Variants in AGBL1 observed in about 807,000 individuals in gnomAD.
AGBL1 encodes cytosolic carboxypeptidase 4.
Under a neutral mutation model 118.9 loss-of-function variants are expected in AGBL1, and 130 were observed. That is an observed-to-expected ratio of 1.09 (90% CI 0.95 to 1.26). The LOEUF is 1.26. AGBL1 is among the 50% of genes most tolerant of loss of function. The pLI is 0.00. For missense variants in AGBL1, 1,584 were observed against 1,298.1 expected (o/e 1.22, Z -3.38); for synonymous variants, 555 against 478.9 (o/e 1.16, Z -2.08).
intron 17 of AGBL1, among the ~76,000 whole-genome samples, chr15:86,358,957 T>A (rs2080762298): frequency 6.6e-6 from 1 of 152,116 alleles, no homozygotes; most frequent in African/African-American, 2.4e-5. Flanking sequence ...CAAGTATTTT[T>A]TTTTTCCATT....
At chr15:86,547,554 TTTAA>T (rs1352868133) in intron 20 of AGBL1, among the ~76,000 whole-genome samples, 1 of 152,178 alleles carries the variant, frequency 6.6e-6, no homozygotes, top group East Asian at 1.9e-4. Context: ...ATTCATACTG[TTTAA>T]TTAATAAATT....
chr15:86,297,685 T>C (rs757740234), intron 17 of AGBL1, among the ~76,000 whole-genome samples: 1 of 152,222 alleles, frequency 6.6e-6, no homozygotes, highest in Non-Finnish European at 1.5e-5. Context: ...GTATGGATTA[T>C]GTAGCTGATT....
intron 22 of AGBL1, among the ~76,000 whole-genome samples, chr15:86,753,220 A>C (rs972431079): frequency 4.0e-5 from 6 of 151,850 alleles, no homozygotes; most frequent in Admixed American, 1.3e-4. Flanking sequence ...TGTCAGATCC[A>C]TGGTTTTTCT....
At chr15:86,794,094 C>T (rs2078536479) in intron 22 of AGBL1, among the ~76,000 whole-genome samples, 1 of 152,154 alleles carries the variant, frequency 6.6e-6, no homozygotes, top group Non-Finnish European at 1.5e-5. Flanking sequence ...CAATTCCACT[C>T]CTAGAAATAT....
intron 22 of AGBL1, among the ~76,000 whole-genome samples, chr15:86,790,382 A>G (rs1170158671): frequency 1.3e-5 from 2 of 149,978 alleles, no homozygotes; most frequent in African/African-American, 2.5e-5. Flanking sequence ...GCACGCACGC[A>G]CACACACACA....
At chr15:86,571,068 C>A (rs957722604) in intron 21 of AGBL1, among the ~76,000 whole-genome samples, 13 of 152,184 alleles carry the variant, frequency 8.5e-5, no homozygotes, top group African/African-American at 3.1e-4. Context: ...CTTGGCCGAG[C>A]TGTGGCTGGA....
At chr15:86,382,244 C>A (rs1309774063) in intron 17 of AGBL1, among the ~76,000 whole-genome samples, 2 of 152,150 alleles carry the variant, frequency 1.3e-5, no homozygotes, top group Non-Finnish European at 2.9e-5. Flanking sequence ...GCCACACAGA[C>A]CCGCAGGAAG....
At chr15:86,457,010 C>T (rs1451832585) in intron 18 of AGBL1, among the ~76,000 whole-genome samples, 2 of 152,064 alleles carry the variant, frequency 1.3e-5, no homozygotes, top group East Asian at 1.9e-4. Context: ...GAACACACCG[C>T]TATTTGCCTT....
intron 22 of AGBL1, among the ~76,000 whole-genome samples, chr15:86,777,728 C>G (rs1388406167): frequency 6.6e-6 from 1 of 152,058 alleles, no homozygotes. Flanking sequence ...CATCTTGAAA[C>G]TAATTGTCCA....
chr15:86,101,675 G>T (rs1896730360), intron 1 of AGBL1, among the ~76,000 whole-genome samples: 3 of 142,660 alleles, frequency 2.1e-5, no homozygotes. Context: ...TGTTTTATCT[G>T]CTATAAGTAT....
At chr15:86,758,107 T>A (rs1433602028) in intron 22 of AGBL1, among the ~76,000 whole-genome samples, 1 of 152,102 alleles carries the variant, frequency 6.6e-6, no homozygotes, top group Non-Finnish European at 1.5e-5. Flanking sequence ...AATTCTCCTA[T>A]GGTAAAATCT....
intron 5 of AGBL1, among the ~76,000 whole-genome samples, chr15:86,206,127 A>G (rs932516137): frequency 3.3e-5 from 5 of 152,192 alleles, no homozygotes; most frequent in Admixed American, 1.3e-4. Flanking sequence ...CCATGTCCCT[A>G]TAAAGGACAT....
chr15:86,993,578 T>G (rs2081352642), intron 24 of AGBL1, among the ~76,000 whole-genome samples: 1 of 152,190 alleles, frequency 6.6e-6, no homozygotes, highest in African/African-American at 2.4e-5. Flanking sequence ...GTTGGTGTTC[T>G]TCTCACGTGG....
At chr15:86,112,893 T>C (rs1897484755) in intron 1 of AGBL1, among the ~76,000 whole-genome samples, 1 of 152,244 alleles carries the variant, frequency 6.6e-6, no homozygotes, top group Non-Finnish European at 1.5e-5. Flanking sequence ...AATTTCTACT[T>C]TTGTAAATTG....
chr15:86,580,508 TA>T (rs1451975831), intron 21 of AGBL1, among the ~76,000 whole-genome samples: 8 of 151,812 alleles, frequency 5.3e-5, no homozygotes, highest in Non-Finnish European at 1.0e-4. Context: ...GTTACATGCA[TA>T]TTTTTCTAGA....
intron 6 of AGBL1, among the ~76,000 whole-genome samples, chr15:86,237,172 C>G (rs8042467): frequency 0.16 from 23,775 of 152,130 alleles, 2,083 homozygotes; most frequent in African/African-American, 0.23. Context: ...TCCTCTGTAT[C>G]TGCCTAAAAT....
intron 19 of AGBL1, among the ~76,000 whole-genome samples, chr15:86,533,276 A>T (rs1206581726): frequency 9.1e-6 from 1 of 109,308 alleles, no homozygotes; most frequent in Non-Finnish European, 1.8e-5. Flanking sequence ...AAAAAAACAA[A>T]CAACCCAGTC....
chr15:86,237,355 G>A (rs1469604120), intron 6 of AGBL1, among the ~76,000 whole-genome samples: 4 of 152,156 alleles, frequency 2.6e-5, no homozygotes, highest in African/African-American at 9.7e-5. Flanking sequence ...TGCAACGCAG[G>A]GCAGAATTGC....
chr15:86,630,297 C>T (rs1174491625), intron 21 of AGBL1: 1 of 152,226 alleles, frequency 6.6e-6, no homozygotes, highest in Non-Finnish European at 1.5e-5. Flanking sequence ...CAAAAAGAAC[C>T]AGCCTGTTCC....
Sources: allele counts gnomAD v4.1 joint callset (sites outside exome capture counted in the v4.1 genomes callset), GRCh38; gene constraint gnomAD v4.1.1; transcripts MANE v1.5; gene names NCBI Gene and HGNC (gene_info 2026-07-23, HGNC 2026-07-21).